MPDZ: variants seen among roughly 807,000 people sequenced by gnomAD.
MPDZ encodes multiple PDZ domain protein.
Under a neutral mutation model 239.1 loss-of-function variants are expected in MPDZ, and 234 were observed. The ratio of observed to expected loss-of-function variants is 0.98; its 90% CI spans 0.88 to 1.09. MPDZ has a LOEUF of 1.09. MPDZ is among the 50% of genes least tolerant of loss of function. The probability of loss-of-function intolerance (pLI) is 0.00; values close to 1 mark genes in which losing one functional copy is unlikely to be tolerated. For missense variants in MPDZ, 3,175 were observed against 2,510.0 expected (o/e 1.26, Z -5.66); for synonymous variants, 1,048 against 881.3 (o/e 1.19, Z -3.35).
intron 24 of MPDZ, among the ~76,000 whole-genome samples, chr9:13,156,667 C>A (rs1332224047): frequency 6.6e-6 from 1 of 152,144 alleles, no homozygotes; most frequent in Non-Finnish European, 1.5e-5. Context: ...GGACACAGAG[C>A]CAAACTATAT....
In MPDZ at chr9:13,123,223, G is replaced by A; in HGVS notation, c.4883C>T (p.Thr1628Ile). ...TCGCCCTTTGGAAATCTCGATGGTT[G>A]TTTCGCAGCCAGGGATAATGGGGCA... The part of the protein sequence containing the change: ...ATCPIIPGCE[T>I]TIEISKGRTG... The change falls in exon 36 of 47, where the codon ACA becomes ATA. Residue 1628 changes from threonine (T) to isoleucine (I), a missense_variant. Physicochemically the swap from Thr to Ile is moderately conservative, Grantham distance 89 (BLOSUM62 -1). Transcript: ENST00000319217. The A allele has an allele frequency of 2.5e-6, 4 of 1,613,616 alleles. No homozygotes were observed. Among genetic ancestry groups the A allele is most frequent in the East Asian group, 2.2e-5 (1 of 44,848 alleles).
At position 13,121,833 on chromosome 9, in the gene MPDZ, C is replaced by CCT; in HGVS notation, c.5135_5136dup (p.Ala1713ArgfsTer25). 1 of 1,613,946 alleles carries CCT rather than the reference C, an allele frequency of 6.2e-7. No individual in the cohort carries two copies. The highest frequency in any genetic ancestry group is 2.2e-5 in the East Asian group (1 of 44,876). On this transcript the variant is annotated frameshift_variant, in exon 38 of 47. Coordinates refer to ENST00000319217, the MANE Select transcript of MPDZ (RefSeq NM_001378778.1). LOFTEE classifies it high-confidence loss of function. ...CACACTTCCTCCTCTTTGTATGGGG[C>CCT]CTCATCTCTGTAGAGTGTCAGGCGC...
intron 12 of MPDZ, among the ~76,000 whole-genome samples, chr9:13,198,263 T>C (rs1427578734): frequency 6.6e-6 from 1 of 152,150 alleles, no homozygotes; most frequent in Non-Finnish European, 1.5e-5. Flanking sequence ...GCATTCATTA[T>C]TGCTTGTCTT....
In MPDZ at chr9:13,269,046, T is replaced by C. The variant is rs144891742; in HGVS notation, c.-58+10354A>G. ...AACCTCATAGAAAAAGATGAGAGCC[T>C]AGATGAAGGTAATGGCAAGAAAAAA... On this transcript the variant is annotated intron_variant, in intron 1 of 46. Transcript: ENST00000319217. Among the ~76,000 whole-genome samples the C allele has an allele frequency of 2.6e-4, 39 of 152,076 alleles. No homozygotes were observed. The East Asian group carries it at 7.4e-3, about 29-fold the overall frequency.
chr9:13,168,241 T>A, intron 22 of MPDZ, 125 bp downstream of exon 22: 1 of 840,526 alleles, frequency 1.2e-6, no homozygotes. Flanking sequence ...ATTTCTTGAG[T>A]GATTTATGTT....
intron 39 of MPDZ, among the ~76,000 whole-genome samples, chr9:13,115,559 C>T (rs902885475): frequency 6.6e-6 from 1 of 152,056 alleles, no homozygotes; most frequent in African/African-American, 2.4e-5. Flanking sequence ...TACCTTATCA[C>T]CTCATGATTT....
At chr9:13,253,968 G>T (rs1279891603) in intron 1 of MPDZ, among the ~76,000 whole-genome samples, 1 of 152,098 alleles carries the variant, frequency 6.6e-6, no homozygotes, top group Non-Finnish European at 1.5e-5. Context: ...CTTGTCTAAG[G>T]CCACATCGCT....
chr9:13,115,339 G>C lies in MPDZ; in HGVS notation c.5380-5C>G, dbSNP rs764072715. The C allele has an allele frequency of 1.9e-6, 3 of 1,607,036 alleles. No homozygotes were observed. The highest frequency in any genetic ancestry group is 1.7e-5 in the Admixed American group (1 of 59,928). On this transcript the variant is annotated splice_region_variant and splice_polypyrimidine_tract_variant and intron_variant, in intron 39 of 46. Coordinates refer to ENST00000319217, the MANE Select transcript of MPDZ (RefSeq NM_001378778.1). ...GGTTACTGTGCCTAGGGAACACTGGGGGTGGGCATGGGGGGTGTTTTATGG... is the reference window on the plus strand; with the variant it reads ...GGTTACTGTGCCTAGGGAACACTGGCGGTGGGCATGGGGGGTGTTTTATGG...
chr9:13,188,686 G>A lies in MPDZ; in HGVS notation c.2364+98C>T. Reference sequence around the variant, plus strand: ...ATCACGTTGATGAAAACTACTAAAAGTCACGATTCAATCATGAGAACACCT... The same window carrying A: ...ATCACGTTGATGAAAACTACTAAAAATCACGATTCAATCATGAGAACACCT... On this transcript the variant is annotated intron_variant, in intron 17 of 46. Coordinates refer to ENST00000319217, the MANE Select transcript of MPDZ (RefSeq NM_001378778.1). 3 of 982,684 alleles carry A rather than the reference G, an allele frequency of 3.1e-6. No individual in the cohort carries two copies. The South Asian group carries it at 6.1e-5, about 20-fold the overall frequency. 60.9% of individuals were successfully genotyped at this position (982,684 alleles called of 1,614,324 possible).
rs772354455 is a variant in MPDZ, at chr9:13,190,311, C to G, written c.1969-12G>C. The G allele has an allele frequency of 5.3e-6, 8 of 1,517,224 alleles. No individual in the cohort carries two copies. In the South Asian group the frequency reaches 9.7e-5, roughly 18 times the overall value. 94.0% of individuals were successfully genotyped at this position (1,517,224 alleles called of 1,614,324 possible). The stretch of plus-strand genomic sequence containing the variant: ...AGATCTACGTGAGGCTGGATAATAT[C>G]AGACAGCTCTTATTTCAGAGGCATT... On this transcript the variant is annotated splice_polypyrimidine_tract_variant and intron_variant, in intron 15 of 46. Transcript: ENST00000319217.
intron 22 of MPDZ, chr9:13,165,341 T>C: frequency 5.8e-6 from 9 of 1,547,894 alleles, no homozygotes; most frequent in Non-Finnish European, 7.0e-6. Context: ...ACAGCCATAA[T>C]GAGCTTTCGA....
At chr9:13,118,818 T>C (rs1174749041) in intron 39 of MPDZ, among the ~76,000 whole-genome samples, 1 of 152,212 alleles carries the variant, frequency 6.6e-6, no homozygotes, top group Non-Finnish European at 1.5e-5. Context: ...AAAATGATCC[T>C]TCATGGTGAG....
chr9:13,205,818 A>C (rs1342030217), intron 11 of MPDZ, 98 bp downstream of exon 11: 1 of 1,122,902 alleles, frequency 8.9e-7, no homozygotes, highest in Non-Finnish European at 1.2e-6. Context: ...ATTCTGAATA[A>C]TTAAGAACCA....
chr9:13,241,223 C>CT (rs1491040876), intron 3 of MPDZ, among the ~76,000 whole-genome samples: 1 of 152,066 alleles, frequency 6.6e-6, no homozygotes, highest in Non-Finnish European at 1.5e-5. Flanking sequence ...CACTCATTCT[C>CT]TTTTAACTTC....
chr9:13,141,005 T>C (rs1212723933), intron 27 of MPDZ: 1 of 149,272 alleles, frequency 6.7e-6, no homozygotes, highest in East Asian at 2.0e-4. Flanking sequence ...CCAAGGCAGA[T>C]CACAAGATAA....
chr9:13,227,665 A>G (rs978143083), intron 3 of MPDZ, among the ~76,000 whole-genome samples: 1 of 152,160 alleles, frequency 6.6e-6, no homozygotes, highest in Non-Finnish European at 1.5e-5. Context: ...GCATTCTAAG[A>G]GTAAAGTGAG....
chr9:13,217,026 A>C (rs1958435241), intron 9 of MPDZ, among the ~76,000 whole-genome samples, 154 bp downstream of exon 9: 1 of 151,956 alleles, frequency 6.6e-6, no homozygotes, highest in South Asian at 2.1e-4. Flanking sequence ...CTTAAATACA[A>C]TATAAGAGTC....
intron 25 of MPDZ, among the ~76,000 whole-genome samples, chr9:13,149,922 A>C (rs955366358): frequency 6.6e-6 from 1 of 152,034 alleles, no homozygotes; most frequent in Admixed American, 6.6e-5. Context: ...AAGGATTTAC[A>C]TGAAAGGTAA....
At chr9:13,198,737 C>CTCTCTCTCTGTGTGTG (rs755487892) in intron 12 of MPDZ, among the ~76,000 whole-genome samples, 2 of 69,754 alleles carry the variant, frequency 2.9e-5, no homozygotes, top group Admixed American at 1.5e-4. Flanking sequence ...ATCTCTCTCT[C>CTCTCTCTCTGTGTGTG]TGTGTGTGTG....
Sources: gnomAD v4.1 joint callset for allele counts (sites outside exome capture counted in the v4.1 genomes callset) on GRCh38, gnomAD v4.1.1 for gene constraint, MANE v1.5 for transcripts, NCBI Gene and HGNC (gene_info 2026-07-23, HGNC 2026-07-21) for gene names.